The following XPR1 variants were observed in gnomAD, a reference collection of about 807,000 sequenced individuals.
XPR1 encodes solute carrier family 53 member 1.
Under a neutral mutation model 87.5 loss-of-function variants are expected in XPR1, and 28 were observed. That is an observed-to-expected ratio of 0.32 (90% CI 0.24 to 0.44). XPR1 has a LOEUF of 0.44. XPR1 is among the 20% of genes least tolerant of loss of function. The pLI is 1.00. For missense variants in XPR1, 559 were observed against 862.3 expected (o/e 0.65, Z 4.41); for synonymous variants, 300 against 306.1 (o/e 0.98, Z 0.21).
At position 180,880,380 on chromosome 1, in the gene XPR1, T is replaced by C. The variant is rs561609171; in HGVS notation, c.2030+83T>C. The C allele has an allele frequency of 6.7e-6, 10 of 1,501,130 alleles. No individual in the cohort carries two copies. The East Asian group carries it at 9.1e-5, about 14-fold the overall frequency. 93.0% of individuals were successfully genotyped at this position (1,501,130 alleles called of 1,614,324 possible). ...GCATGTAAGCTAAAAAGCTATCAGGTTGAACCAAATGAAATTGCCAATACT... is the reference window on the plus strand; with the variant it reads ...GCATGTAAGCTAAAAAGCTATCAGGCTGAACCAAATGAAATTGCCAATACT... On this transcript the variant is annotated intron_variant, in intron 14 of 14. Transcript: ENST00000367590.
intron 2 of XPR1, among the ~76,000 whole-genome samples, chr1:180,705,368 C>A (rs947030019): frequency 6.6e-6 from 1 of 152,072 alleles, no homozygotes; most frequent in Non-Finnish European, 1.5e-5. Flanking sequence ...TGTATTATCC[C>A]ATGCAGTTAA....
At chr1:180,757,525 A>G (rs1291455789) in intron 2 of XPR1, among the ~76,000 whole-genome samples, 3 of 95,374 alleles carry the variant, frequency 3.1e-5, no homozygotes, top group South Asian at 3.5e-4. Flanking sequence ...TTTTTTTTTT[A>G]AAGAGTTAAG....
At chr1:180,734,709 C>T (rs1658670545) in intron 2 of XPR1, among the ~76,000 whole-genome samples, 1 of 152,028 alleles carries the variant, frequency 6.6e-6, no homozygotes, top group South Asian at 2.1e-4. Flanking sequence ...GGCTAGAGAA[C>T]AAGATTTTGA....
At chr1:180,703,156 T>G (rs1440029542) in intron 2 of XPR1, among the ~76,000 whole-genome samples, 1 of 152,126 alleles carries the variant, frequency 6.6e-6, no homozygotes, top group Admixed American at 6.6e-5. Flanking sequence ...AGCTAGTCCT[T>G]GGGCACCAGT....
At chr1:180,790,614 A>C (rs1056868779) in intron 3 of XPR1, among the ~76,000 whole-genome samples, 1 of 152,130 alleles carries the variant, frequency 6.6e-6, no homozygotes, top group African/African-American at 2.4e-5. Flanking sequence ...ATCTTGGCTC[A>C]CTGCAAACTC....
intron 2 of XPR1, among the ~76,000 whole-genome samples, chr1:180,704,558 A>C (rs1657486155): frequency 6.6e-6 from 1 of 151,328 alleles, no homozygotes; most frequent in South Asian, 2.1e-4. Context: ...GAAACATTTT[A>C]AGTGTCTTAT....
Position 180,848,055 on chromosome 1 carries a change from A to T in XPR1, c.1501+11339A>T, listed in dbSNP as rs557465436. ...ATTAATATACATACAAAAATTCTTT[A>T]AAAAAATTGATACAAGATAATTATA... On this transcript the variant is annotated intron_variant, in intron 11 of 14. Transcript: ENST00000367590. Among the ~76,000 whole-genome samples the T allele has an allele frequency of 4.6e-5, 7 of 152,268 alleles. No homozygotes were observed. The South Asian group carries it at 8.3e-4, about 18-fold the overall frequency.
chr1:180,708,166 T>C (rs1393843842), intron 2 of XPR1, among the ~76,000 whole-genome samples: 1 of 152,240 alleles, frequency 6.6e-6, no homozygotes, highest in African/African-American at 2.4e-5. Flanking sequence ...GAACATCTAT[T>C]ACAAATAGGA....
At chr1:180,659,594 CA>C (rs1356613862) in intron 1 of XPR1, among the ~76,000 whole-genome samples, 26 of 126,364 alleles carry the variant, frequency 2.1e-4, no homozygotes, top group African/African-American at 7.1e-4. Flanking sequence ...ACCGCACCCC[CA>C]CCCCCCACCC....
chr1:180,689,259 G>T (rs1482321943), intron 2 of XPR1, among the ~76,000 whole-genome samples: 1 of 152,098 alleles, frequency 6.6e-6, no homozygotes, highest in Non-Finnish European at 1.5e-5. Flanking sequence ...CAACAAAAGA[G>T]AATTCTGGAG....
At chr1:180,784,789 G>A (rs1649073142) in intron 2 of XPR1, among the ~76,000 whole-genome samples, 2 of 151,696 alleles carry the variant, frequency 1.3e-5, no homozygotes, top group African/African-American at 2.4e-5. Context: ...ATCTAAATTT[G>A]TATACATTAT....
At chr1:180,864,279 T>G (rs1652313047) in intron 12 of XPR1, among the ~76,000 whole-genome samples, 1 of 152,200 alleles carries the variant, frequency 6.6e-6, no homozygotes. Flanking sequence ...AAAAGTCAGT[T>G]TAAGTGTTAC....
At chr1:180,834,420 A>G (rs1368402582) in intron 9 of XPR1, among the ~76,000 whole-genome samples, 1 of 152,216 alleles carries the variant, frequency 6.6e-6, no homozygotes, top group Non-Finnish European at 1.5e-5. Flanking sequence ...AATGGCTGAC[A>G]TGTATGTAAT....
At chr1:180,831,250 C>G (rs1041644399) in intron 9 of XPR1, among the ~76,000 whole-genome samples, 2 of 151,136 alleles carry the variant, frequency 1.3e-5, no homozygotes, top group Admixed American at 6.6e-5. Context: ...GCACTTGCCT[C>G]TCCAGCAAAA....
chr1:180,664,839 C>T (rs927916892), intron 1 of XPR1, among the ~76,000 whole-genome samples: 4 of 152,140 alleles, frequency 2.6e-5, no homozygotes, highest in Admixed American at 2.0e-4. Context: ...CCGGATGAAA[C>T]TGTTCTACCT....
intron 1 of XPR1, among the ~76,000 whole-genome samples, chr1:180,681,462 G>A (rs1186286777): frequency 1.3e-5 from 2 of 152,048 alleles, no homozygotes; most frequent in Non-Finnish European, 2.9e-5. Context: ...TGGCTAACAC[G>A]GTGAAACTCT....
Position 180,743,768 on chromosome 1 carries a change from C to T in XPR1, c.122-43985C>T, listed in dbSNP as rs569307664. On this transcript the variant is annotated intron_variant, in intron 2 of 14. Coordinates refer to ENST00000367590, the MANE Select transcript of XPR1 (RefSeq NM_004736.4). ...AGGATGTTTTCAATGGATATGTATT[C>T]TGGGCTGACAGTTCTTTTCTTGTTG... 7.2e-5 allele frequency among the ~76,000 whole-genome samples: 11 copies of T among 152,208 alleles called. No individual in the cohort carries two copies. In the South Asian group the frequency reaches 2.3e-3, roughly 32 times the overall value.
At chr1:180,670,368 C>G (rs1434458131) in intron 1 of XPR1, among the ~76,000 whole-genome samples, 1 of 151,640 alleles carries the variant, frequency 6.6e-6, no homozygotes, top group Admixed American at 6.6e-5. Flanking sequence ...TTTTCATTTG[C>G]TTTTGTGTGG....
At chr1:180,825,391 A>C (rs1650791929) in intron 9 of XPR1, 47 bp downstream of exon 9, 1 of 1,555,232 alleles carries the variant, frequency 6.4e-7, no homozygotes, top group Non-Finnish European at 8.7e-7. Context: ...CATATTGGTT[A>C]TTGACTTCCT....
Sources: gnomAD v4.1 joint callset for allele counts (sites outside exome capture counted in the v4.1 genomes callset) on GRCh38, gnomAD v4.1.1 for gene constraint, MANE v1.5 for transcripts, NCBI Gene and HGNC (gene_info 2026-07-23, HGNC 2026-07-21) for gene names.